The following NUP153 variants were observed in gnomAD, a reference collection of about 807,000 sequenced individuals.
The protein encoded by NUP153 is nucleoporin 153, also known as nuclear pore complex protein Nup153.
In NUP153, 27 loss-of-function variants were observed where a neutral mutation model predicts 134.6. That is an observed-to-expected ratio of 0.20 (90% confidence interval 0.15 to 0.28). NUP153 has a LOEUF of 0.28. Ranked by LOEUF, NUP153 falls within the 10% of genes least tolerant of loss-of-function variation. The pLI is 1.00. For synonymous variants in NUP153, 640 were observed against 623.5 expected (o/e 1.03, Z -0.40); for missense variants, 1,821 against 1,731.3 (o/e 1.05, Z -0.92).
rs141639082 is a variant in NUP153, at chr6:17,694,397, G to A, written c.112-5779C>T. Reference sequence around the variant, plus strand: ...ATAGGAGCTGGGCCCGGTGGCTCACGCCTGTAATCCCAGCACTTCCGGAGG... The same window carrying A: ...ATAGGAGCTGGGCCCGGTGGCTCACACCTGTAATCCCAGCACTTCCGGAGG... On this transcript the variant is annotated intron_variant, in intron 1 of 21. Transcript: ENST00000262077. Among the ~76,000 whole-genome samples, 157 of 152,266 alleles carry A rather than the reference G, an allele frequency of 1.0e-3. 1 individual carries two copies. The East Asian group carries it at 0.01, about 10-fold the overall frequency.
At chr6:17,659,225 T>C (rs942076311) in intron 11 of NUP153, among the ~76,000 whole-genome samples, 1 of 152,254 alleles carries the variant, frequency 6.6e-6, no homozygotes, top group African/African-American at 2.4e-5. Context: ...AACAGCGGGA[T>C]GCAGAAAATG....
intron 2 of NUP153, among the ~76,000 whole-genome samples, chr6:17,686,165 GAA>G (rs1469612207): frequency 3.3e-5 from 5 of 151,532 alleles, no homozygotes; most frequent in Non-Finnish European, 7.4e-5. Flanking sequence ...AAGAAAGAAA[GAA>G]AGAAAGAAAG....
Position 17,657,780 on chromosome 6 carries a change from T to C in NUP153, c.1395+3873A>G, listed in dbSNP as rs1311849261. Among the ~76,000 whole-genome samples, 3 of 119,084 alleles carry C rather than the reference T, an allele frequency of 2.5e-5. No individual in the cohort carries two copies. The Admixed American group carries it at 2.8e-4, about 11-fold the overall frequency. The allele number at this position is 119,084 out of a possible 152,430, so 78.1% of individuals were successfully genotyped here. On this transcript the variant is annotated intron_variant, in intron 11 of 21. Coordinates refer to ENST00000262077, the MANE Select transcript of NUP153 (RefSeq NM_005124.4). Reference sequence around the variant, plus strand: ...AAGCTCATGGTATATGAATCAGATATTAGGTTGGTGCAAACGTAATTGCAG... The same window carrying C: ...AAGCTCATGGTATATGAATCAGATACTAGGTTGGTGCAAACGTAATTGCAG...
At chr6:17,641,105 G>T (rs929594404) in intron 14 of NUP153, among the ~76,000 whole-genome samples, 1 of 152,084 alleles carries the variant, frequency 6.6e-6, no homozygotes, top group African/African-American at 2.4e-5. Flanking sequence ...TGTGATAATG[G>T]TTTTATCGTT....
chr6:17,616,290 G>GGCC, intron 21 of NUP153, 109 bp from the exon 22 acceptor site: 3 of 473,888 alleles, frequency 6.3e-6, no homozygotes, highest in East Asian at 8.9e-5. Context: ...GGTGGGGGGG[G>GGCC]AGTAGACTCA....
chr6:17,672,906 T>C (rs1036137395), intron 5 of NUP153, among the ~76,000 whole-genome samples: 4 of 152,264 alleles, frequency 2.6e-5, no homozygotes, highest in South Asian at 2.1e-4. Context: ...AAATGAATCA[T>C]AGGCATAAAT....
rs779535386 is a variant in NUP153, at chr6:17,646,108, G to A, written c.1679C>T (p.Ser560Phe). Residue 560 changes from serine to phenylalanine, a missense_variant, in exon 14 of 22, where the codon TCT (serine) becomes TTT (phenylalanine). By Grantham distance (155) the Ser-to-Phe change is radical (BLOSUM62 -2). Transcript: ENST00000262077. ...SVPVAKTAEL[S>F]GSSSTLEPII... ...TGGTTCTAAAGTACTACTAGAACCA[G>A]AAAGTTCTGCTGTTTTTGCAACAGG... The A allele has an allele frequency of 6.2e-7, 1 of 1,603,046 alleles. No individual in the cohort carries two copies. Among genetic ancestry groups the A allele is most frequent in the Non-Finnish European group, 8.5e-7 (1 of 1,170,528 alleles).
Position 17,680,987 on chromosome 6 carries a change from T to C in NUP153, c.335-5217A>G, listed in dbSNP as rs1768541281. Among the ~76,000 whole-genome samples the C allele has an allele frequency of 6.6e-6, 1 of 152,116 alleles. No homozygotes were observed. Among genetic ancestry groups the C allele is most frequent in the East Asian group, 1.9e-4 (1 of 5,186 alleles). ...GAGATAATCTGCACTCGCAGCACTATTCACAATAGCCAAGATACGGAATTG... is the reference window on the plus strand; with the variant it reads ...GAGATAATCTGCACTCGCAGCACTACTCACAATAGCCAAGATACGGAATTG... On this transcript the variant is annotated intron_variant, in intron 2 of 21. Transcript: ENST00000262077. The surrounding 1 kb of genome is among the most constrained non-coding windows in gnomAD (Gnocchi z 4.5).
chr6:17,681,561 G>A (rs1422471209), intron 2 of NUP153, among the ~76,000 whole-genome samples: 5 of 151,968 alleles, frequency 3.3e-5, no homozygotes, highest in African/African-American at 9.7e-5. Context: ...CAGCCTGGGC[G>A]ACAGAGCCAA....
chr6:17,670,639 G>A (rs1469938717), intron 5 of NUP153, among the ~76,000 whole-genome samples: 2 of 152,118 alleles, frequency 1.3e-5, no homozygotes, highest in African/African-American at 4.8e-5. Context: ...GTTGCCAGAT[G>A]ATTTTTTTGT....
chr6:17,678,490 C>T (rs958310826), intron 2 of NUP153, among the ~76,000 whole-genome samples: 2 of 150,844 alleles, frequency 1.3e-5, no homozygotes, highest in Non-Finnish European at 2.9e-5. Context: ...TACTAAAAAG[C>T]AAAAATAAGA....
intron 11 of NUP153, among the ~76,000 whole-genome samples, chr6:17,657,401 TA>T (rs140217238): frequency 0.031 from 4,358 of 140,340 alleles, 204 homozygotes; most frequent in African/African-American, 0.1. Context: ...AATAAAAAAA[TA>T]AAAAAAAAAA....
chr6:17,656,647 GAAGA>G (rs1471703332), intron 11 of NUP153, among the ~76,000 whole-genome samples: 1 of 152,138 alleles, frequency 6.6e-6, no homozygotes, highest in Non-Finnish European at 1.5e-5. Flanking sequence ...CCAGGTTTTT[GAAGA>G]AAGGAAAGCT....
At chr6:17,701,994 C>T (rs1770142331) in intron 1 of NUP153, among the ~76,000 whole-genome samples, 1 of 148,668 alleles carries the variant, frequency 6.7e-6, no homozygotes, top group African/African-American at 2.5e-5. Context: ...ACAAAAAGGG[C>T]AAAAATAAGT....
intron 2 of NUP153, among the ~76,000 whole-genome samples, chr6:17,684,238 G>A (rs1232448749): frequency 3.3e-5 from 5 of 152,134 alleles, no homozygotes; most frequent in Non-Finnish European, 5.9e-5. Context: ...ATGCAAAATG[G>A]ACTAATAAAC....
intron 2 of NUP153, among the ~76,000 whole-genome samples, chr6:17,676,593 C>T (rs543755703): frequency 6.6e-6 from 1 of 151,922 alleles, no homozygotes; most frequent in Non-Finnish European, 1.5e-5. Flanking sequence ...CCAGTTAGAA[C>T]GGAATAAGTG....
chr6:17,648,151 A>G (rs1581700746), intron 12 of NUP153, among the ~76,000 whole-genome samples: 1 of 152,206 alleles, frequency 6.6e-6, no homozygotes, highest in African/African-American at 2.4e-5. Context: ...ATCTATAAGA[A>G]TATGTTCAGA....
chr6:17,678,496 T>A (rs1377359729), intron 2 of NUP153, among the ~76,000 whole-genome samples: 1 of 150,652 alleles, frequency 6.6e-6, no homozygotes, highest in Non-Finnish European at 1.5e-5. Context: ...AAAGCAAAAA[T>A]AAGATCATTT....
chr6:17,626,215 GA>G, intron 18 of NUP153, 51 bp from the exon 19 acceptor site: 1 of 1,439,544 alleles, frequency 6.9e-7, no homozygotes, highest in Non-Finnish European at 9.6e-7. Flanking sequence ...AATAGTCTCA[GA>G]AAGTACTTTT....
Sources: gnomAD v4.1 joint callset for allele counts (sites outside exome capture counted in the v4.1 genomes callset) on GRCh38, gnomAD v4.1.1 for gene constraint, Gnocchi (gnomAD v3.1) non-coding constraint, MANE v1.5 for transcripts, NCBI Gene and HGNC (gene_info 2026-07-23, HGNC 2026-07-21) for gene names.